The following PCDHGA5 variants were observed in gnomAD, a reference collection of about 807,000 sequenced individuals.
PCDHGA5 encodes protocadherin gamma-A5.
A neutral mutation model predicts 56.7 loss-of-function variants in PCDHGA5; 36 were observed. That is an observed-to-expected ratio of 0.64 (90% CI 0.49 to 0.84). PCDHGA5 has a LOEUF of 0.84. PCDHGA5 is among the 40% of genes least tolerant of loss of function. The probability of loss-of-function intolerance (pLI) is 0.00; values close to 1 mark genes in which losing one functional copy is unlikely to be tolerated. For missense variants in PCDHGA5, 1,305 were observed against 1,201.5 expected, an observed-to-expected ratio of 1.09 and a Z score of -1.27; for synonymous variants, 563 against 520.2, an observed-to-expected ratio of 1.08 and a Z score of -1.12.
rs752604165 is a variant in PCDHGA5, at chr5:141,494,771, G to A, written c.2422-36G>A. On this transcript the variant is annotated intron_variant, in intron 1 of 3. Coordinates refer to ENST00000518069, the MANE Select transcript of PCDHGA5 (RefSeq NM_018918.3). ...CTCGGGTGACATTCTAACTTCTCAC[G>A]GGTACTCAGCCCCTTTCCCTCTGTT... 74 of 1,613,730 alleles carry A rather than the reference G, an allele frequency of 4.6e-5. No homozygotes were observed. The East Asian group carries it at 1.6e-3, about 36-fold the overall frequency.
intron 1 of PCDHGA5, chr5:141,395,188 T>C (rs1188356077): frequency 6.2e-7 from 1 of 1,614,128 alleles, no homozygotes; most frequent in East Asian, 2.2e-5. Flanking sequence ...GATTCTTTGT[T>C]AACATCCGTA....
intron 1 of PCDHGA5, chr5:141,403,819 T>A (rs1264553327): frequency 1.2e-6 from 2 of 1,613,784 alleles, no homozygotes; most frequent in Admixed American, 3.3e-5. Flanking sequence ...AAAAACAATC[T>A]CTGCTATTCC....
At chr5:141,399,393 CAG>C (rs1335804490) in intron 1 of PCDHGA5, 1 of 1,613,976 alleles carries the variant, frequency 6.2e-7, no homozygotes, top group Non-Finnish European at 8.5e-7. Flanking sequence ...CAGCCACAGA[CAG>C]GGGCAAGCCG....
At chr5:141,383,871 T>C (rs1490693086) in intron 1 of PCDHGA5, 1 of 1,613,852 alleles carries the variant, frequency 6.2e-7, no homozygotes, top group African/African-American at 1.3e-5. Flanking sequence ...CTCAAGATGG[T>C]CCTGGTAGTC....
intron 1 of PCDHGA5, chr5:141,389,763 G>C: frequency 6.2e-7 from 1 of 1,612,978 alleles, no homozygotes; most frequent in African/African-American, 1.3e-5. Context: ...AGTGCGCACA[G>C]CGCGTGCCTT....
chr5:141,441,517 G>A (rs1316654534), intron 1 of PCDHGA5: 1 of 172,138 alleles, frequency 5.8e-6, no homozygotes, highest in South Asian at 1.3e-4. Flanking sequence ...CGTCGTCCAC[G>A]TGGCCAAGAA....
In PCDHGA5 at chr5:141,485,146, G is replaced by C; in HGVS notation, c.2422-9661G>C. 6.4e-7 allele frequency: 1 copy of C among 1,569,470 alleles called. No individual in the cohort carries two copies. Among genetic ancestry groups the C allele is most frequent in the Non-Finnish European group, 8.7e-7 (1 of 1,143,568 alleles). On this transcript the variant is annotated intron_variant, in intron 1 of 3. Transcript: ENST00000518069. The surrounding 1 kb of genome is among the most constrained non-coding windows in gnomAD (Gnocchi z 5.7). Reference sequence around the variant, plus strand: ...GGTCGGCTTCATCCGCGTCTCAGGAGCAAGTAGAGAATTAGCGGGCGGCAG... The same window carrying C: ...GGTCGGCTTCATCCGCGTCTCAGGACCAAGTAGAGAATTAGCGGGCGGCAG...
chr5:141,441,750 A>C, intron 1 of PCDHGA5: 1 of 374,962 alleles, frequency 2.7e-6, no homozygotes, highest in South Asian at 2.1e-5. Context: ...GCTCGGCGTC[A>C]ACGTGAGCCT....
In PCDHGA5 at chr5:141,489,461, A is replaced by G. The variant is rs1329676538; in HGVS notation, c.2422-5346A>G. 5.0e-6 allele frequency: 8 copies of G among 1,613,832 alleles called. No homozygotes were observed. The highest frequency in any genetic ancestry group is 6.8e-6 in the Non-Finnish European group (8 of 1,179,986). On this transcript the variant is annotated intron_variant, in intron 1 of 3. Transcript: ENST00000518069. This position sits in a 1 kb window ranked among gnomAD's most constrained non-coding sequence, Gnocchi z 4.5. ...TTGGGCTCTGAGGAGAATGGGCGCT[A>G]TTTTTCCCTGAGCTTGATGAGTGGT...
intron 1 of PCDHGA5, chr5:141,427,889 G>A: frequency 1.3e-6 from 2 of 1,566,516 alleles, no homozygotes; most frequent in Non-Finnish European, 1.7e-6. Context: ...CCCACGACCA[G>A]GGCTCGCCCG....
rs781500930 is a variant in PCDHGA5, at chr5:141,376,588, TC to T, written c.2421+9838del. 8 of 1,575,434 alleles carry T rather than the reference TC, an allele frequency of 5.1e-6. No homozygotes were observed. The South Asian group carries it at 8.1e-5, about 16-fold the overall frequency. ...TAATCAGACAGGCTCATCAGCTAGA[TC>T]GGCTGTTATAGAAGCGAACCTCTTT... On this transcript the variant is annotated intron_variant, in intron 1 of 3. Transcript: ENST00000518069.
chr5:141,385,314 A>T, intron 1 of PCDHGA5: 1 of 1,611,588 alleles, frequency 6.2e-7, no homozygotes. Context: ...AAAACCTGCC[A>T]AGTATTCAGG....
rs1199102847 is a variant in PCDHGA5, at chr5:141,477,997, A to G, written c.2422-16810A>G. 2 of 1,614,112 alleles carry G rather than the reference A, an allele frequency of 1.2e-6. No individual in the cohort carries two copies. Among genetic ancestry groups the G allele is most frequent in the Non-Finnish European group, 1.7e-6 (2 of 1,180,016 alleles). On this transcript the variant is annotated intron_variant, in intron 1 of 3. Coordinates refer to ENST00000518069, the MANE Select transcript of PCDHGA5 (RefSeq NM_018918.3). This position sits in a 1 kb window ranked among gnomAD's most constrained non-coding sequence, Gnocchi z 4.9. ...TTGCCATAGGGCTGCACACTGGTCAAATCAGTACTGCCCGTCCAGTCCAAG... is the reference window on the plus strand; with the variant it reads ...TTGCCATAGGGCTGCACACTGGTCAGATCAGTACTGCCCGTCCAGTCCAAG...
intron 1 of PCDHGA5, chr5:141,398,307 G>A (rs1447377921): frequency 1.5e-6 from 2 of 1,359,764 alleles, no homozygotes; most frequent in South Asian, 1.3e-5. Flanking sequence ...GCGTCCAGGA[G>A]TTACCGACTC....
At chr5:141,404,642 T>C in intron 1 of PCDHGA5, 20 of 1,614,190 alleles carry the variant, frequency 1.2e-5, no homozygotes, top group Non-Finnish European at 1.7e-5. Flanking sequence ...AGAAATCCTG[T>C]ACCCTGCCCT....
chr5:141,393,115 G>C (rs1342924521), intron 1 of PCDHGA5: 42 of 1,613,320 alleles, frequency 2.6e-5, no homozygotes, highest in Non-Finnish European at 3.6e-5. Context: ...CAGAGCCCGC[G>C]GTGTCTGATA....
At chr5:141,376,011 T>C (rs1173303153) in intron 1 of PCDHGA5, 1 of 1,613,332 alleles carries the variant, frequency 6.2e-7, no homozygotes, top group Non-Finnish European at 8.5e-7. Context: ...CAGAGCCTAG[T>C]GGTGGCCGTC....
intron 1 of PCDHGA5, chr5:141,421,399 C>G: frequency 4.3e-6 from 7 of 1,614,046 alleles, no homozygotes; most frequent in Non-Finnish European, 5.1e-6. Context: ...GCTGGAGCCC[C>G]GGGAGCTGGC....
chr5:141,404,909 C>CCT, intron 1 of PCDHGA5: 1 of 1,613,916 alleles, frequency 6.2e-7, no homozygotes, highest in Non-Finnish European at 8.5e-7. Context: ...TGGCCAGCCC[C>CCT]CTCTCTCGGC....
Sources: gnomAD v4.1 joint callset for allele counts on GRCh38, gnomAD v4.1.1 for gene constraint, Gnocchi (gnomAD v3.1) non-coding constraint, MANE v1.5 for transcripts, NCBI Gene and HGNC (gene_info 2026-07-23, HGNC 2026-07-21) for gene names.